Variants in SPMIP3 observed in about 807,000 individuals in gnomAD.
SPMIP3 encodes sperm microtubule inner protein 3, also known as protein SPMIP3.
chr1:244,359,028 G>A, the SPMIP3 span, among the ~76,000 whole-genome samples: 348 of 151,382 alleles, frequency 2.3e-3, 4 homozygotes, highest in African/African-American at 8.0e-3. Context: ...GAGTTACCAC[G>A]TTCAGATTTG....
the SPMIP3 span, chr1:244,375,627 ATGT>A: frequency 1.0e-5 from 5 of 493,954 alleles, no homozygotes; most frequent in East Asian, 1.7e-4. Context: ...CAAACTGTTA[ATGT>A]TTTTTTTTTT....
the SPMIP3 span, among the ~76,000 whole-genome samples, chr1:244,355,607 C>T: frequency 0.4 from 60,638 of 151,966 alleles, 12,679 homozygotes; most frequent in Middle Eastern, 0.5. Flanking sequence ...AGGATGGTCT[C>T]GATCTCTTGA....
the SPMIP3 span, among the ~76,000 whole-genome samples, chr1:244,385,359 T>C: frequency 1.3e-5 from 2 of 152,234 alleles, no homozygotes; most frequent in African/African-American, 4.8e-5. Flanking sequence ...TCAGCACATA[T>C]AATTTCATTG....
the SPMIP3 span, among the ~76,000 whole-genome samples, chr1:244,374,715 G>C: frequency 6.7e-6 from 1 of 148,480 alleles, no homozygotes; most frequent in Admixed American, 6.9e-5. Flanking sequence ...TCCTGGCGCA[G>C]CCTTCCCAGT....
the SPMIP3 span, chr1:244,364,658 A>G: frequency 6.3e-7 from 1 of 1,578,634 alleles, no homozygotes; most frequent in Non-Finnish European, 8.7e-7. Context: ...AACTGGCAAT[A>G]TAATCCTTTA....
At chr1:244,374,470 G>A in the SPMIP3 span, among the ~76,000 whole-genome samples, 1 of 151,558 alleles carries the variant, frequency 6.6e-6, no homozygotes, top group East Asian at 1.9e-4. Flanking sequence ...AACATCAAAA[G>A]TAGAAAAAAC....
chr1:244,378,818 C>T, the SPMIP3 span, among the ~76,000 whole-genome samples: 1 of 150,984 alleles, frequency 6.6e-6, no homozygotes, highest in Non-Finnish European at 1.5e-5. Context: ...TCCCAAGGCT[C>T]CCCGCTACCT....
chr1:244,356,885 C>T, the SPMIP3 span, among the ~76,000 whole-genome samples: 42 of 150,744 alleles, frequency 2.8e-4, no homozygotes, highest in Non-Finnish European at 4.7e-4. Flanking sequence ...ACAAAATAGA[C>T]AACCCTTCCC....
chr1:244,373,041 A>G, the SPMIP3 span, among the ~76,000 whole-genome samples: 1 of 151,852 alleles, frequency 6.6e-6, no homozygotes, highest in African/African-American at 2.4e-5. Context: ...AAAGCACTAC[A>G]ATCACTTCCT....
the SPMIP3 span, among the ~76,000 whole-genome samples, chr1:244,364,364 CAA>C: frequency 6.6e-6 from 1 of 152,180 alleles, no homozygotes; most frequent in South Asian, 2.1e-4. Flanking sequence ...CTCAGCCTCC[CAA>C]AGTGCTGGGA....
At chr1:244,373,252 A>G in the SPMIP3 span, among the ~76,000 whole-genome samples, 28 of 149,772 alleles carry the variant, frequency 1.9e-4, no homozygotes, top group East Asian at 5.3e-3. Flanking sequence ...ATCAAAAAAG[A>G]TCTTTCTCTA....
chr1:244,368,764 A>G, the SPMIP3 span, among the ~76,000 whole-genome samples: 2 of 152,230 alleles, frequency 1.3e-5, no homozygotes, highest in Non-Finnish European at 2.9e-5. Context: ...TAAATGGCCA[A>G]GCCTCAGAGC....
chr1:244,360,621 T>TG, the SPMIP3 span, among the ~76,000 whole-genome samples: 2 of 150,998 alleles, frequency 1.3e-5, no homozygotes, highest in African/African-American at 4.9e-5. Flanking sequence ...GAGTGACTCA[T>TG]GCCAGTAATC....
At chr1:244,353,658 C>T in the SPMIP3 span, among the ~76,000 whole-genome samples, 2 of 152,020 alleles carry the variant, frequency 1.3e-5, no homozygotes, top group Non-Finnish European at 2.9e-5. Context: ...TATGTAGGAC[C>T]TGAACAAAGC....
the SPMIP3 span, among the ~76,000 whole-genome samples, chr1:244,355,147 T>C: frequency 6.6e-6 from 1 of 152,216 alleles, no homozygotes; most frequent in African/African-American, 2.4e-5. Flanking sequence ...CAGACAGACC[T>C]GGCTGTGTGA....
chr1:244,354,307 C>A, the SPMIP3 span, among the ~76,000 whole-genome samples: 1 of 151,260 alleles, frequency 6.6e-6, no homozygotes, highest in East Asian at 1.9e-4. Flanking sequence ...TGCTAAGTAA[C>A]TGTTACTGGT....
the SPMIP3 span, among the ~76,000 whole-genome samples, chr1:244,383,187 A>T: frequency 6.6e-6 from 1 of 152,170 alleles, no homozygotes; most frequent in Non-Finnish European, 1.5e-5. Context: ...GCCATACCAC[A>T]TGAAGCAAAA....
At chr1:244,368,717 T>C in the SPMIP3 span, among the ~76,000 whole-genome samples, 1 of 152,236 alleles carries the variant, frequency 6.6e-6, no homozygotes, top group African/African-American at 2.4e-5. Context: ...AGCCTGCCCT[T>C]GTGTGGTTCT....
At chr1:244,361,235 C>CTTTCTTTTTT in the SPMIP3 span, among the ~76,000 whole-genome samples, 2 of 119,312 alleles carry the variant, frequency 1.7e-5, no homozygotes, top group Admixed American at 1.0e-4. Context: ...TTCTTTCTTT[C>CTTTCTTTTTT]TTTTTTTTTT....
Sources: gnomAD v4.1 joint callset for allele counts (sites outside exome capture counted in the v4.1 genomes callset) on GRCh38, gnomAD v4.1.1 for gene constraint, MANE v1.5 for transcripts, NCBI Gene and HGNC (gene_info 2026-07-23, HGNC 2026-07-21) for gene names.